The following TRIM36 variants were observed in gnomAD, a reference collection of about 807,000 sequenced individuals.
TRIM36 encodes tripartite motif containing 36.
In TRIM36, 42 loss-of-function variants were observed where a neutral mutation model predicts 72.4. The observed-to-expected ratio is 0.58, with a 90% CI of 0.45 to 0.75. TRIM36 has a LOEUF of 0.75. Ranked by LOEUF, TRIM36 falls within the 30% of genes least tolerant of loss-of-function variation. The probability of loss-of-function intolerance (pLI) is 0.00; values close to 1 mark genes in which losing one functional copy is unlikely to be tolerated. For missense variants in TRIM36, 913 were observed against 857.1 expected (o/e 1.07, Z -0.81); for synonymous variants, 315 against 282.8 (o/e 1.11, Z -1.14).
chr5:115,170,095 T>C (rs1448169594), upstream of TRIM36: 4 of 517,054 alleles, frequency 7.7e-6, no homozygotes, highest in Admixed American at 6.3e-5. Context: ...TGGCACGCGG[T>C]TGGGACTCGG....
chr5:115,130,649 G>A lies in TRIM36; in HGVS notation c.1739C>T (p.Ala580Val), dbSNP rs2112770209. 1 of 1,614,162 alleles carries A rather than the reference G, an allele frequency of 6.2e-7. No individual in the cohort carries two copies. Among genetic ancestry groups the A allele is most frequent in the East Asian group, 2.2e-5 (1 of 44,880 alleles). The change falls in exon 9 of 10, where the codon GCT becomes GTT. Residue 580 changes from alanine to valine, a missense_variant. Transcript: ENST00000513154. ...CCATTCTTGTAGTTTATCGCTAGAA[G>A]CAACTCCCACTTTTACCAGGTATGA... ...PYSYLVKVGV[A>V]SSDKLQEWLR...
At chr5:115,165,083 C>T (rs1270783684) in intron 1 of TRIM36, among the ~76,000 whole-genome samples, 1 of 152,228 alleles carries the variant, frequency 6.6e-6, no homozygotes, top group East Asian at 1.9e-4. Flanking sequence ...GGTGGACTGC[C>T]ATGGCCTTGG....
At chr5:115,155,378 C>A (rs1467514063) in intron 2 of TRIM36, among the ~76,000 whole-genome samples, 1 of 151,982 alleles carries the variant, frequency 6.6e-6, no homozygotes, top group South Asian at 2.1e-4. Context: ...AAACTACGGA[C>A]CAATATCCCT....
intron 3 of TRIM36, 136 bp downstream of exon 3, chr5:115,146,933 T>C (rs1045346269): frequency 4.2e-6 from 4 of 960,360 alleles, no homozygotes; most frequent in Non-Finnish European, 6.0e-6. Flanking sequence ...GGCCTTAAGT[T>C]CTTATACCTG....
intron 2 of TRIM36, among the ~76,000 whole-genome samples, chr5:115,159,383 T>C (rs1754355126): frequency 6.6e-6 from 1 of 152,234 alleles, no homozygotes; most frequent in African/African-American, 2.4e-5. Context: ...GCGGTATAAA[T>C]CATTTTCTTC....
intron 2 of TRIM36, among the ~76,000 whole-genome samples, chr5:115,159,977 A>T (rs1754390075): frequency 2.6e-5 from 4 of 152,000 alleles, no homozygotes; most frequent in Non-Finnish European, 5.9e-5. Context: ...GTGAAATCAA[A>T]CATCTTTTGT....
chr5:115,153,399 C>T (rs1433351901), intron 2 of TRIM36, among the ~76,000 whole-genome samples: 3 of 152,246 alleles, frequency 2.0e-5, no homozygotes, highest in Non-Finnish European at 4.4e-5. Flanking sequence ...CAATTACTAA[C>T]AGACCTAAGA....
At chr5:115,171,212 C>T (rs1195282317), upstream of TRIM36, 9 of 1,614,030 alleles carry the variant, frequency 5.6e-6, no homozygotes, top group Non-Finnish European at 7.6e-6. Context: ...GCCTCGTCTC[C>T]AATCCGGCAT....
In TRIM36 at chr5:115,177,981, T is replaced by G. The variant is rs1755421850; in HGVS notation, c.63+1994A>C. The G allele has an allele frequency of 7.8e-6, 9 of 1,151,240 alleles. No individual in the cohort carries two copies. In the South Asian group the frequency reaches 1.2e-4, roughly 16 times the overall value. 71.3% of individuals were successfully genotyped at this position (1,151,240 alleles called of 1,614,324 possible). ...AGTGAGCATACTGTGATGAACCCATTGGTATTCTGAGAGGGTTTTGTTTTT... is the reference window on the plus strand; with the variant it reads ...AGTGAGCATACTGTGATGAACCCATGGGTATTCTGAGAGGGTTTTGTTTTT... On this transcript the variant is annotated intron_variant, in intron 1 of 9. Coordinates refer to the TRIM36 transcript ENST00000282369.
chr5:115,177,677 T>C (rs905588930), intron 1 of TRIM36: 2 of 1,608,026 alleles, frequency 1.2e-6, no homozygotes, highest in Non-Finnish European at 1.7e-6. Flanking sequence ...TAAGCTTACG[T>C]TGAAATGGTT....
chr5:115,149,942 G>A (rs991645568), intron 2 of TRIM36, among the ~76,000 whole-genome samples: 13 of 151,736 alleles, frequency 8.6e-5, no homozygotes, highest in Non-Finnish European at 1.6e-4. Context: ...GTATTTTTTA[G>A]TAGAGATGGG....
chr5:115,142,365 TG>T (rs1753324237), intron 4 of TRIM36, among the ~76,000 whole-genome samples: 1 of 152,160 alleles, frequency 6.6e-6, no homozygotes, highest in African/African-American at 2.4e-5. Context: ...AGGTGCAAAG[TG>T]GTGGTACTCT....
chr5:115,149,716 A>C (rs1028206173), intron 2 of TRIM36: 5 of 150,060 alleles, frequency 3.3e-5, no homozygotes, highest in African/African-American at 4.9e-5. Flanking sequence ...ATTTTTCACA[A>C]CTCGTCCAAA....
At chr5:115,161,921 A>G (rs1456167072) in intron 2 of TRIM36, among the ~76,000 whole-genome samples, 1 of 152,188 alleles carries the variant, frequency 6.6e-6, no homozygotes, top group East Asian at 1.9e-4. Flanking sequence ...CAGCATCTAA[A>G]TTTGACACCT....
chr5:115,144,502 A>G (rs955217863), intron 4 of TRIM36, 96 bp downstream of exon 4: 1 of 1,429,404 alleles, frequency 7.0e-7, no homozygotes, highest in African/African-American at 1.4e-5. Flanking sequence ...AGTACAAAAG[A>G]GACCATATAA....
intron 4 of TRIM36, among the ~76,000 whole-genome samples, chr5:115,143,933 C>T (rs369623523): frequency 9.9e-4 from 150 of 152,064 alleles, no homozygotes; most frequent in African/African-American, 3.2e-3. Context: ...TGCAGTGGCG[C>T]GATCTCAGCT....
At position 115,153,042 on chromosome 5, in the gene TRIM36, C is replaced by T. The variant is rs145990766; in HGVS notation, c.263-5648G>A. Among the ~76,000 whole-genome samples, 713 of 152,064 alleles carry T rather than the reference C, an allele frequency of 4.7e-3. 7 individuals are homozygous for T. Among genetic ancestry groups the T allele is most frequent in the African/African-American group, 0.017 (691 of 41,468 alleles). On this transcript the variant is annotated intron_variant, in intron 2 of 9. Coordinates refer to ENST00000513154, the MANE Select transcript of TRIM36 (RefSeq NM_001300759.2). Reference sequence around the variant, plus strand: ...GAAATGGTACCTCATATCTCAATACCAACTGAATGTAAATGGCTTAAATGC... The same window carrying T: ...GAAATGGTACCTCATATCTCAATACTAACTGAATGTAAATGGCTTAAATGC...
At chr5:115,144,829 T>A (rs1019278416) in intron 3 of TRIM36, 85 bp from the exon 4 acceptor site, 2 of 1,420,088 alleles carry the variant, frequency 1.4e-6, no homozygotes, top group Non-Finnish European at 1.9e-6. Context: ...ATTTGCCTTA[T>A]AAAATCACTA....
intron 2 of TRIM36, 94 bp from the exon 3 acceptor site, chr5:115,147,488 A>T: frequency 1.5e-6 from 2 of 1,356,990 alleles, no homozygotes; most frequent in Non-Finnish European, 2.0e-6. Context: ...ATATCTACAA[A>T]TGTATCACAA....
Sources: allele counts gnomAD v4.1 joint callset (sites outside exome capture counted in the v4.1 genomes callset), GRCh38; gene constraint gnomAD v4.1.1; transcripts MANE v1.5; gene names NCBI Gene and HGNC (gene_info 2026-07-23, HGNC 2026-07-21).